Variants in LRMDA observed in about 807,000 individuals in gnomAD.
LRMDA encodes leucine rich melanocyte differentiation associated.
A neutral mutation model predicts 29.8 loss-of-function variants in LRMDA; 18 were observed. The ratio of observed to expected loss-of-function variants is 0.60; its 90% CI spans 0.42 to 0.90. The LOEUF (loss-of-function observed/expected upper bound fraction) is 0.90, where lower values mean the gene tolerates loss of function less well. Ranked by LOEUF, LRMDA falls within the 40% of genes least tolerant of loss-of-function variation. The pLI is 0.00. For synonymous variants in LRMDA, 125 were observed against 109.4 expected, an observed-to-expected ratio of 1.14 and a Z score of -0.89; for missense variants, 273 against 273.9, an observed-to-expected ratio of 1.00 and a Z score of 0.02.
intron 6 of LRMDA, among the ~76,000 whole-genome samples, chr10:76,416,398 C>T (rs375383630): frequency 2.0e-4 from 31 of 152,308 alleles, no homozygotes; most frequent in African/African-American, 6.3e-4. Flanking sequence ...ACTTATAATG[C>T]GGCCTCGGAC....
chr10:75,502,434 T>TC (rs1466940107), intron 2 of LRMDA, among the ~76,000 whole-genome samples: 1 of 152,142 alleles, frequency 6.6e-6, no homozygotes, highest in African/African-American at 2.4e-5. Context: ...AGATTTTTTT[T>TC]TTTTATTGAT....
intron 5 of LRMDA, among the ~76,000 whole-genome samples, chr10:76,114,398 AC>A (rs1849630853): frequency 6.6e-6 from 1 of 152,004 alleles, no homozygotes; most frequent in African/African-American, 2.4e-5. Flanking sequence ...GCCCTCATTC[AC>A]CCCAAAATAT....
At chr10:76,341,459 C>T (rs2132420281) in intron 6 of LRMDA, among the ~76,000 whole-genome samples, 1 of 152,188 alleles carries the variant, frequency 6.6e-6, no homozygotes, top group South Asian at 2.1e-4. Context: ...AAACTCTGTA[C>T]CCTAACAATA....
At chr10:76,545,169 GTTTTTTATTTTGT>G (rs1014321553) in intron 6 of LRMDA, among the ~76,000 whole-genome samples, 3 of 101,748 alleles carry the variant, frequency 2.9e-5, no homozygotes, top group African/African-American at 1.2e-4. Flanking sequence ...CTTTTTTTTT[GTTTTTTATTTTGT>G]TTTTTTTTTT....
At chr10:76,153,197 C>T (rs1306274790) in intron 5 of LRMDA, among the ~76,000 whole-genome samples, 1 of 152,044 alleles carries the variant, frequency 6.6e-6, no homozygotes, top group East Asian at 1.9e-4. Flanking sequence ...TACAAGAGTT[C>T]TTTATATATT....
At chr10:75,542,216 G>T (rs1296273320) in intron 2 of LRMDA, among the ~76,000 whole-genome samples, 1 of 152,012 alleles carries the variant, frequency 6.6e-6, no homozygotes, top group African/African-American at 2.4e-5. Context: ...ATCTTTCCTT[G>T]CATGACTAAA....
chr10:75,906,231 G>A (rs1249112214), intron 2 of LRMDA, among the ~76,000 whole-genome samples: 4 of 152,192 alleles, frequency 2.6e-5, no homozygotes, highest in Non-Finnish European at 4.4e-5. Flanking sequence ...TGGTGCATGT[G>A]TGAGCACTGT....
At chr10:76,523,194 T>C (rs1342119368) in intron 6 of LRMDA, among the ~76,000 whole-genome samples, 1 of 152,070 alleles carries the variant, frequency 6.6e-6, no homozygotes, top group East Asian at 1.9e-4. Flanking sequence ...TTCATCCTTA[T>C]GAAGAAAAAT....
chr10:76,488,069 ACTGTAT>A (rs1487465773), intron 6 of LRMDA, among the ~76,000 whole-genome samples: 4 of 151,844 alleles, frequency 2.6e-5, no homozygotes, highest in African/African-American at 7.2e-5. Context: ...GTTTGAAAAT[ACTGTAT>A]CTGTAACTAC....
At chr10:76,017,507 G>T (rs1847897741) in intron 2 of LRMDA, among the ~76,000 whole-genome samples, 1 of 152,206 alleles carries the variant, frequency 6.6e-6, no homozygotes, top group Admixed American at 6.5e-5. Context: ...GATGTTTCTG[G>T]CCTGGATTTG....
At chr10:75,554,083 G>T (rs1233057110) in intron 2 of LRMDA, among the ~76,000 whole-genome samples, 1 of 152,198 alleles carries the variant, frequency 6.6e-6, no homozygotes, top group Non-Finnish European at 1.5e-5. Context: ...GGAGGGACTA[G>T]TCACACTTTG....
At chr10:75,817,304 A>G (rs904339346) in intron 2 of LRMDA, among the ~76,000 whole-genome samples, 3 of 152,206 alleles carry the variant, frequency 2.0e-5, no homozygotes, top group African/African-American at 7.2e-5. Flanking sequence ...GGAGGTTTTA[A>G]TAGCTACTAT....
At chr10:75,821,685 TG>T (rs1437057845) in intron 2 of LRMDA, among the ~76,000 whole-genome samples, 1 of 151,666 alleles carries the variant, frequency 6.6e-6, no homozygotes, top group African/African-American at 2.4e-5. Context: ...AGGAGAATGG[TG>T]GGAACCTGGG....
At chr10:76,337,815 G>T (rs1223404838) in intron 6 of LRMDA, among the ~76,000 whole-genome samples, 1 of 152,084 alleles carries the variant, frequency 6.6e-6, no homozygotes, top group Non-Finnish European at 1.5e-5. Flanking sequence ...CCAAGACAAA[G>T]AAATTATTTG....
At chr10:76,036,184 C>T (rs199930084) in intron 3 of LRMDA, 50 bp downstream of exon 3, 24 of 1,517,248 alleles carry the variant, frequency 1.6e-5, no homozygotes, top group Middle Eastern at 2.4e-4. Flanking sequence ...GCCCCACAGT[C>T]GTCCCCCAAC....
chr10:75,897,879 G>A (rs1169189086), intron 2 of LRMDA, among the ~76,000 whole-genome samples: 1 of 129,758 alleles, frequency 7.7e-6, no homozygotes, highest in Non-Finnish European at 1.5e-5. Flanking sequence ...CTGTAGTGCA[G>A]TGGCACAATC....
chr10:76,173,611 A>G (rs770100423), intron 5 of LRMDA, among the ~76,000 whole-genome samples: 27 of 152,230 alleles, frequency 1.8e-4, no homozygotes, highest in Non-Finnish European at 2.9e-4. Context: ...TTCTTCAAAG[A>G]TACAAACTAT....
At chr10:75,922,008 T>G (rs1388576149) in intron 2 of LRMDA, among the ~76,000 whole-genome samples, 2 of 152,214 alleles carry the variant, frequency 1.3e-5, no homozygotes, top group East Asian at 3.9e-4. Flanking sequence ...TTACTTTTTA[T>G]CTCTTTCGTT....
At chr10:75,507,667 A>G (rs1845184266) in intron 2 of LRMDA, among the ~76,000 whole-genome samples, 1 of 152,156 alleles carries the variant, frequency 6.6e-6, no homozygotes, top group Admixed American at 6.5e-5. Flanking sequence ...CTTCTTAATG[A>G]CTTATTTGTA....
Sources: allele counts gnomAD v4.1 joint callset (sites outside exome capture counted in the v4.1 genomes callset), GRCh38; gene constraint gnomAD v4.1.1; transcripts MANE v1.5; gene names NCBI Gene and HGNC (gene_info 2026-07-23, HGNC 2026-07-21).